Variants in ZNF385B observed in about 807,000 individuals in gnomAD.
ZNF385B encodes zinc finger protein 385B, also known as zinc finger protein 533.
ZNF385B carries 23 observed loss-of-function variants against 39.2 expected under a neutral mutation model. That is an observed-to-expected ratio of 0.59 (90% confidence interval 0.42 to 0.83). ZNF385B has a LOEUF of 0.83. ZNF385B is among the 40% of genes least tolerant of loss of function. The pLI is 0.00. For missense variants in ZNF385B, 552 were observed against 598.9 expected (o/e 0.92, Z 0.82); for synonymous variants, 205 against 222.6 (o/e 0.92, Z 0.70).
At chr2:179,747,921 T>C (rs1702474001) in intron 3 of ZNF385B, among the ~76,000 whole-genome samples, 1 of 152,114 alleles carries the variant, frequency 6.6e-6, no homozygotes, top group African/African-American at 2.4e-5. Flanking sequence ...ATGCTATAAT[T>C]TAAGCTCACA....
intron 3 of ZNF385B, among the ~76,000 whole-genome samples, chr2:179,676,235 C>T (rs1452086863): frequency 2.0e-5 from 3 of 151,932 alleles, no homozygotes; most frequent in African/African-American, 7.3e-5. Flanking sequence ...ACTACAGGCG[C>T]CCACCAACAC....
At chr2:179,676,735 T>TG (rs1293420497) in intron 3 of ZNF385B, among the ~76,000 whole-genome samples, 1 of 152,090 alleles carries the variant, frequency 6.6e-6, no homozygotes, top group African/African-American at 2.4e-5. Context: ...GGTTCTTCAC[T>TG]GGGGGGGATT....
intron 3 of ZNF385B, among the ~76,000 whole-genome samples, chr2:179,655,088 A>G (rs1444400795): frequency 6.6e-6 from 1 of 152,234 alleles, no homozygotes; most frequent in East Asian, 1.9e-4. Context: ...AAGGTTTTGA[A>G]TAATTGTATC....
At chr2:179,661,219 G>T (rs1385441580) in intron 3 of ZNF385B, among the ~76,000 whole-genome samples, 1 of 152,156 alleles carries the variant, frequency 6.6e-6, no homozygotes, top group African/African-American at 2.4e-5. Flanking sequence ...ATGAAAACAG[G>T]ATAATTTAAA....
intron 3 of ZNF385B, among the ~76,000 whole-genome samples, chr2:179,617,449 G>C (rs1222037596): frequency 6.6e-6 from 1 of 152,142 alleles, no homozygotes; most frequent in Non-Finnish European, 1.5e-5. Flanking sequence ...GTAAAGCATT[G>C]AGAAAAGGAG....
At chr2:179,644,688 G>A (rs1692560772) in intron 3 of ZNF385B, among the ~76,000 whole-genome samples, 2 of 152,130 alleles carry the variant, frequency 1.3e-5, no homozygotes, top group African/African-American at 4.8e-5. Flanking sequence ...TGGTAGGACT[G>A]GGACGTTAGA....
chr2:179,663,600 A>C (rs1170699632), intron 3 of ZNF385B, among the ~76,000 whole-genome samples: 3 of 150,566 alleles, frequency 2.0e-5, no homozygotes, highest in Admixed American at 6.7e-5. Context: ...GTCCCAGCTA[A>C]TCGGGAGGCT....
At chr2:179,706,062 A>G (rs565071049) in intron 3 of ZNF385B, among the ~76,000 whole-genome samples, 4 of 152,310 alleles carry the variant, frequency 2.6e-5, no homozygotes, top group Admixed American at 6.5e-5. Context: ...CCTATGGTAT[A>G]AAAAGAATGT....
At chr2:179,808,051 G>C (rs1004116879) in intron 1 of ZNF385B, among the ~76,000 whole-genome samples, 3 of 150,600 alleles carry the variant, frequency 2.0e-5, no homozygotes, top group Admixed American at 1.3e-4. Context: ...TTGTTTGTTT[G>C]TGACGGAGTC....
intron 5 of ZNF385B, among the ~76,000 whole-genome samples, chr2:179,496,181 C>T (rs1453486633): frequency 1.3e-5 from 2 of 151,998 alleles, no homozygotes; most frequent in Admixed American, 1.3e-4. Flanking sequence ...CTGAAAAATG[C>T]AACTGGCATT....
intron 1 of ZNF385B, among the ~76,000 whole-genome samples, chr2:179,821,134 C>T (rs952675148): frequency 6.6e-6 from 1 of 152,130 alleles, no homozygotes; most frequent in South Asian, 2.1e-4. Context: ...CTCAAATCTT[C>T]CTGCAGCTGA....
chr2:179,481,483 C>T (rs2053991043), intron 6 of ZNF385B, among the ~76,000 whole-genome samples: 1 of 151,218 alleles, frequency 6.6e-6, no homozygotes, highest in Non-Finnish European at 1.5e-5. Flanking sequence ...ATTGTTCCAT[C>T]TCTATTTCTG....
In ZNF385B at chr2:179,451,727, G is replaced by A. The variant is rs558592766; in HGVS notation, c.716-4957C>T. Among the ~76,000 whole-genome samples the A allele has an allele frequency of 1.4e-4, 22 of 152,108 alleles. No individual in the cohort carries two copies. The East Asian group carries it at 4.1e-3, about 28-fold the overall frequency. On this transcript the variant is annotated intron_variant, in intron 6 of 9. Transcript: ENST00000410066. ...AGATCCTAAAATTTGAAAAGTCACT[G>A]ATATATTTATATATTTGAATAGTGG...
intron 6 of ZNF385B, among the ~76,000 whole-genome samples, chr2:179,454,106 T>C (rs1196229211): frequency 6.6e-6 from 1 of 152,114 alleles, no homozygotes; most frequent in Non-Finnish European, 1.5e-5. Flanking sequence ...GAGCCTAAAG[T>C]TTCAAATAAG....
rs564747585 is a variant in ZNF385B, at chr2:179,792,499, T to C, written c.-154-21827A>G. On this transcript the variant is annotated intron_variant, in intron 1 of 9. Transcript: ENST00000410066. ...AAGCAATTCTCCTGTCTCAGTCTCC[T>C]GAGTAGCTGGGATTACAGGTGTACC... 1.2e-4 allele frequency among the ~76,000 whole-genome samples: 18 copies of C among 151,768 alleles called. 1 individual carries two copies. The highest frequency in any genetic ancestry group is 4.3e-4 in the African/African-American group (18 of 41,394).
chr2:179,538,618 C>A (rs2059730470), intron 4 of ZNF385B, among the ~76,000 whole-genome samples: 1 of 152,068 alleles, frequency 6.6e-6, no homozygotes, highest in Non-Finnish European at 1.5e-5. Context: ...CATTTCATAA[C>A]TTGTCATGGA....
At position 179,805,518 on chromosome 2, in the gene ZNF385B, T is replaced by A. The variant is rs1021082432; in HGVS notation, c.-154-34846A>T. 3.3e-5 allele frequency among the ~76,000 whole-genome samples: 5 copies of A among 152,230 alleles called. No homozygotes were observed. The South Asian group carries it at 8.3e-4, about 25-fold the overall frequency. ...TTCTAATCTGTAACTTAACAAATTA[T>A]ATTATTATAATTATTTCTTTTTATG... On this transcript the variant is annotated intron_variant, in intron 1 of 9. Coordinates refer to ENST00000410066, the MANE Select transcript of ZNF385B (RefSeq NM_152520.6).
intron 1 of ZNF385B, among the ~76,000 whole-genome samples, chr2:179,838,303 A>C (rs1429062449): frequency 6.6e-6 from 1 of 152,220 alleles, no homozygotes; most frequent in Non-Finnish European, 1.5e-5. Flanking sequence ...GATCTTCCCT[A>C]ATCACATGTC....
At chr2:179,807,751 T>A (rs576875627) in intron 1 of ZNF385B, among the ~76,000 whole-genome samples, 1 of 151,408 alleles carries the variant, frequency 6.6e-6, no homozygotes, top group East Asian at 2.0e-4. Flanking sequence ...AAAAATTAGC[T>A]GGGCGTGGTG....
Sources: gnomAD v4.1 joint callset for allele counts (sites outside exome capture counted in the v4.1 genomes callset) on GRCh38, gnomAD v4.1.1 for gene constraint, MANE v1.5 for transcripts, NCBI Gene and HGNC (gene_info 2026-07-23, HGNC 2026-07-21) for gene names.